The following ZFAND1 variants were observed in gnomAD, a reference collection of about 807,000 sequenced individuals.
ZFAND1 encodes the protein zinc finger AN1-type containing 1, also known as AN1-type zinc finger protein 1.
A neutral mutation model predicts 38.5 loss-of-function variants in ZFAND1; 40 were observed. The observed-to-expected ratio is 1.04, with a 90% CI of 0.81 to 1.35. ZFAND1 has a LOEUF of 1.35. Among genes scored for constraint, ZFAND1 ranks in the 40% most tolerant of loss-of-function variants. The pLI, the probability that ZFAND1 is intolerant of heterozygous loss-of-function variation, is 0.00. For synonymous variants in ZFAND1, 117 were observed against 103.6 expected (o/e 1.13, Z -0.78); for missense variants, 346 against 316.3 (o/e 1.09, Z -0.71).
At chr8:81,717,776 T>G (rs1455924531) in intron 2 of ZFAND1, among the ~76,000 whole-genome samples, 1 of 152,124 alleles carries the variant, frequency 6.6e-6, no homozygotes, top group Non-Finnish European at 1.5e-5. Context: ...TCCAAAATTC[T>G]TCATTAATTC....
intron 1 of ZFAND1, among the ~76,000 whole-genome samples, chr8:81,719,368 G>A (rs1052443567): frequency 1.6e-5 from 2 of 126,794 alleles, no homozygotes; most frequent in Non-Finnish European, 1.7e-5. Context: ...TTAGCTGGGC[G>A]TGGTGGTTCA....
At chr8:81,705,007 C>T (rs1213198245) in intron 6 of ZFAND1, among the ~76,000 whole-genome samples, 1 of 151,718 alleles carries the variant, frequency 6.6e-6, no homozygotes, top group Non-Finnish European at 1.5e-5. Context: ...AACAGAAATG[C>T]AAAGTGATAG....
rs35031788 is a variant in ZFAND1, at chr8:81,706,370, C to CAAAAAAAAAAAAAAAAA, written c.481-3263_481-3247dup. 1.5e-3 allele frequency among the ~76,000 whole-genome samples: 107 copies of CAAAAAAAAAAAAAAAAA among 72,594 alleles called. 1 individual carries two copies. Among genetic ancestry groups the CAAAAAAAAAAAAAAAAA allele is most frequent in the Admixed American group, 1.7e-3 (8 of 4,826 alleles). 47.6% of individuals were successfully genotyped at this position (72,594 alleles called of 152,430 possible). A position where few individuals can be genotyped will look rare whatever the true frequency, so the allele number is the denominator to read the frequency against. On this transcript the variant is annotated intron_variant, in intron 6 of 7. Transcript: ENST00000220669. ...CAAGTAAGCCCTAAGGAAGGAGAAA[C>CAAAAAAAAAAAAAAAAA]AAAAAAAAAAAAAAAAAAAAAAAAG...
chr8:81,717,155 CTG>C (rs1808341634), intron 3 of ZFAND1, 92 bp downstream of exon 3: 1 of 1,059,468 alleles, frequency 9.4e-7, no homozygotes, highest in Non-Finnish European at 1.3e-6. Flanking sequence ...AAACTTTAAT[CTG>C]TGATACTGAC....
At chr8:81,719,355 A>ACACACACACACACAC (rs1563611520) in intron 1 of ZFAND1, among the ~76,000 whole-genome samples, 14 of 149,990 alleles carry the variant, frequency 9.3e-5, no homozygotes, top group Middle Eastern at 3.2e-3. Context: ...ACACACACAC[A>ACACACACACACACAC]AATTAGCTGG....
In ZFAND1 at chr8:81,701,932, G is replaced by C. The variant is rs1043628927; in HGVS notation, c.*763C>G. On this transcript the variant is annotated 3_prime_UTR_variant, in exon 8 of 8. Coordinates refer to ENST00000220669, the MANE Select transcript of ZFAND1 (RefSeq NM_024699.3). ...GTAGTCATCATTTGGCATGTGTTTTGCTTTGGTATATAATGAAGTTGAGCT... is the reference window on the plus strand; with the variant it reads ...GTAGTCATCATTTGGCATGTGTTTTCCTTTGGTATATAATGAAGTTGAGCT... The C allele has an allele frequency of 1.3e-5, 2 of 152,164 alleles. No homozygotes were observed. The highest frequency in any genetic ancestry group is 1.3e-4 in the Admixed American group (2 of 15,280). 9.4% of individuals were successfully genotyped at this position (152,164 alleles called of 1,614,324 possible). A position where few individuals can be genotyped will look rare whatever the true frequency, so the allele number is the denominator to read the frequency against.
rs1008249397 is a variant in ZFAND1, at chr8:81,713,311, G to T, written c.480+607C>A. 2.0e-5 allele frequency among the ~76,000 whole-genome samples: 3 copies of T among 152,018 alleles called. 1 individual carries two copies. In the South Asian group the frequency reaches 6.2e-4, roughly 32 times the overall value. On this transcript the variant is annotated intron_variant, in intron 6 of 7. Coordinates refer to ENST00000220669, the MANE Select transcript of ZFAND1 (RefSeq NM_024699.3). ...CTAATTTTTTTGTATTTTTAGTAGA[G>T]ATGGGGTTTCACCGTGTTAGCCAGG...
At chr8:81,714,515 C>T (rs1342751797) in intron 5 of ZFAND1, 8 of 346,466 alleles carry the variant, frequency 2.3e-5, no homozygotes, top group African/African-American at 4.2e-5. Flanking sequence ...AAGCAGCTGA[C>T]TACTTCAATC....
chr8:81,703,561 T>TAC (rs1335109661), intron 6 of ZFAND1, among the ~76,000 whole-genome samples: 1 of 152,204 alleles, frequency 6.6e-6, no homozygotes, highest in Non-Finnish European at 1.5e-5. Flanking sequence ...TAGCTGGGAT[T>TAC]ACAGGCACGT....
intron 6 of ZFAND1, among the ~76,000 whole-genome samples, chr8:81,704,223 A>G (rs1222123317): frequency 6.6e-6 from 1 of 152,110 alleles, no homozygotes; most frequent in Non-Finnish European, 1.5e-5. Flanking sequence ...CTCTCCTTAT[A>G]TTGTATTTTC....
chr8:81,719,490 G>A (rs1808411485), intron 1 of ZFAND1, among the ~76,000 whole-genome samples: 1 of 152,082 alleles, frequency 6.6e-6, no homozygotes, highest in Non-Finnish European at 1.5e-5. Flanking sequence ...CTGGGTGACA[G>A]AGCCAGACTC....
intron 6 of ZFAND1, among the ~76,000 whole-genome samples, chr8:81,705,945 C>T (rs1219299259): frequency 6.6e-6 from 1 of 151,918 alleles, no homozygotes; most frequent in African/African-American, 2.4e-5. Context: ...AATTATAGAT[C>T]CCCAAAATAT....
intron 6 of ZFAND1, among the ~76,000 whole-genome samples, chr8:81,705,060 G>A (rs1807935403): frequency 6.6e-6 from 1 of 152,098 alleles, no homozygotes; most frequent in African/African-American, 2.4e-5. Context: ...AAGAGGAGGA[G>A]GTCAGCTTAT....
At chr8:81,707,745 T>C (rs1424460019) in intron 6 of ZFAND1, among the ~76,000 whole-genome samples, 1 of 152,178 alleles carries the variant, frequency 6.6e-6, no homozygotes, top group Non-Finnish European at 1.5e-5. Context: ...ATGAGTAGAC[T>C]GTAACAGAAA....
intron 6 of ZFAND1, among the ~76,000 whole-genome samples, chr8:81,703,795 A>G (rs1807884705): frequency 6.6e-6 from 1 of 152,156 alleles, no homozygotes. Flanking sequence ...CCTAACAGCC[A>G]TTCCTGAACC....
At position 81,711,390 on chromosome 8, in the gene ZFAND1, C is replaced by T. The variant is rs193056891; in HGVS notation, c.480+2528G>A. ...TCGCACGACTGCACTCCAGCCTGGG[C>T]GACAGAGCAAGACTCTGTCTCAAAA... On this transcript the variant is annotated intron_variant, in intron 6 of 7. Coordinates refer to ENST00000220669, the MANE Select transcript of ZFAND1 (RefSeq NM_024699.3). Among the ~76,000 whole-genome samples the T allele has an allele frequency of 2.6e-3, 394 of 152,024 alleles. 4 individuals carry two copies. Among genetic ancestry groups the T allele is most frequent in the African/African-American group, 9.1e-3 (376 of 41,442 alleles).
intron 2 of ZFAND1, 59 bp from the exon 3 acceptor site, chr8:81,717,347 T>C: frequency 1.5e-6 from 2 of 1,352,670 alleles, no homozygotes; most frequent in South Asian, 1.6e-5. Context: ...ACTGCAGAAA[T>C]TTGCGATATT....
intron 6 of ZFAND1, among the ~76,000 whole-genome samples, chr8:81,705,054 G>A (rs1807935161): frequency 6.6e-6 from 1 of 152,126 alleles, no homozygotes; most frequent in Non-Finnish European, 1.5e-5. Flanking sequence ...CTCCAGAAGA[G>A]GAGGAGGTCA....
intron 3 of ZFAND1, 87 bp from the exon 4 acceptor site, chr8:81,715,201 A>T (rs1052685037): frequency 3.3e-5 from 44 of 1,314,530 alleles, no homozygotes; most frequent in African/African-American, 8.0e-5. Flanking sequence ...TATTCATTTT[A>T]TTTTTGCTTA....
Sources: gnomAD v4.1 joint callset for allele counts (sites outside exome capture counted in the v4.1 genomes callset) on GRCh38, gnomAD v4.1.1 for gene constraint, MANE v1.5 for transcripts, NCBI Gene and HGNC (gene_info 2026-07-23, HGNC 2026-07-21) for gene names.